The following PLCL1 variants were observed in gnomAD, a reference collection of about 807,000 sequenced individuals.
PLCL1 encodes the protein inactive phospholipase C-like protein 1.
A neutral mutation model predicts 84.4 loss-of-function variants in PLCL1; 41 were observed. The ratio of observed to expected loss-of-function variants is 0.49; its 90% confidence interval spans 0.38 to 0.63. The LOEUF (loss-of-function observed/expected upper bound fraction) is 0.63. PLCL1 is among the 30% of genes least tolerant of loss of function. The pLI, the probability that PLCL1 is intolerant of heterozygous loss-of-function variation, is 0.00. For synonymous variants in PLCL1, 490 were observed against 488.3 expected, an observed-to-expected ratio of 1.00 and a Z score of -0.05; for missense variants, 1,206 against 1,367.8, an observed-to-expected ratio of 0.88 and a Z score of 1.87.
intron 3 of PLCL1, among the ~76,000 whole-genome samples, chr2:198,099,000 A>AAG (rs1488203253): frequency 5.9e-5 from 9 of 152,192 alleles, no homozygotes; most frequent in African/African-American, 2.2e-4. Context: ...TTTAGAGACA[A>AAG]AGCCCTGACA....
In PLCL1 at chr2:197,986,903, G is replaced by A. The variant is rs140430650; in HGVS notation, c.241-96855G>A. On this transcript the variant is annotated intron_variant, in intron 1 of 5. Coordinates refer to ENST00000428675, the MANE Select transcript of PLCL1 (RefSeq NM_006226.4). ...CATAATCACCTTACAAGCTAGAAGG[G>A]TTGGAATCATCCGTATTTCATACTG... Among the ~76,000 whole-genome samples, 712 of 152,240 alleles carry A rather than the reference G, an allele frequency of 4.7e-3. 1 individual carries two copies. Among genetic ancestry groups the A allele is most frequent in the Non-Finnish European group, 7.1e-3 (480 of 68,012 alleles).
chr2:198,093,644 T>A lies in PLCL1; in HGVS notation c.2919+4583T>A, dbSNP rs139835327. ...AAGTTGCTTAAATTTTTGGATTTCT[T>A]GAAAATGGTAATGAACTGTGTAGAT... On this transcript the variant is annotated intron_variant, in intron 3 of 5. Coordinates refer to ENST00000428675, the MANE Select transcript of PLCL1 (RefSeq NM_006226.4). 1.2e-3 allele frequency among the ~76,000 whole-genome samples: 176 copies of A among 152,278 alleles called. 1 individual carries two copies. The highest frequency in any genetic ancestry group is 3.9e-3 in the African/African-American group (162 of 41,556).
chr2:198,103,731 A>C, intron 4 of PLCL1, 96 bp from the exon 5 acceptor site: 3 of 599,040 alleles, frequency 5.0e-6, no homozygotes, highest in Non-Finnish European at 8.8e-6. Flanking sequence ...AGAAGACAGG[A>C]ATGTGAAATT....
chr2:197,866,938 A>C (rs1311130473), intron 1 of PLCL1, among the ~76,000 whole-genome samples: 1 of 152,216 alleles, frequency 6.6e-6, no homozygotes, highest in African/African-American at 2.4e-5. Flanking sequence ...AGTGTTTTAC[A>C]TAAAAGGCAT....
intron 1 of PLCL1, among the ~76,000 whole-genome samples, chr2:197,910,303 T>A (rs973883909): frequency 2.0e-5 from 3 of 152,238 alleles, no homozygotes; most frequent in African/African-American, 7.2e-5. Flanking sequence ...TTTGGTTTCA[T>A]CTTCTGTAAA....
chr2:197,863,197 C>T (rs879000133), intron 1 of PLCL1, among the ~76,000 whole-genome samples: 12 of 149,444 alleles, frequency 8.0e-5, no homozygotes, highest in Admixed American at 3.3e-4. Flanking sequence ...GTGCCTTTCA[C>T]GCAATTATTT....
intron 1 of PLCL1, among the ~76,000 whole-genome samples, chr2:198,074,060 A>C (rs1188686502): frequency 6.6e-6 from 1 of 152,186 alleles, no homozygotes; most frequent in Admixed American, 6.5e-5. Flanking sequence ...TGTACAGTAC[A>C]ATAGAACTGA....
intron 1 of PLCL1, among the ~76,000 whole-genome samples, chr2:197,873,767 A>T (rs1687690175): frequency 1.3e-5 from 2 of 152,178 alleles, no homozygotes; most frequent in Non-Finnish European, 1.5e-5. Flanking sequence ...ATCCTAAAAA[A>T]GTCCTGACAT....
At chr2:197,824,624 G>A (rs977270402) in intron 1 of PLCL1, among the ~76,000 whole-genome samples, 3 of 151,292 alleles carry the variant, frequency 2.0e-5, no homozygotes, top group Non-Finnish European at 4.4e-5. Flanking sequence ...TGAGATGGGA[G>A]GATTGCTTGA....
chr2:197,917,819 A>C (rs1367312348), intron 1 of PLCL1, among the ~76,000 whole-genome samples: 2 of 152,186 alleles, frequency 1.3e-5, no homozygotes, highest in Non-Finnish European at 2.9e-5. Context: ...AACAATAACA[A>C]CAACAAACAA....
chr2:198,040,429 C>G (rs1240752395), intron 1 of PLCL1, among the ~76,000 whole-genome samples: 1 of 152,078 alleles, frequency 6.6e-6, no homozygotes, highest in Non-Finnish European at 1.5e-5. Flanking sequence ...TTTTGAAAAG[C>G]TTTTCCCCAA....
At chr2:198,093,409 A>C (rs1693101105) in intron 3 of PLCL1, among the ~76,000 whole-genome samples, 2 of 151,978 alleles carry the variant, frequency 1.3e-5, no homozygotes, top group South Asian at 4.1e-4. Context: ...GAGGGTGAGG[A>C]CTCTGTACTT....
At chr2:197,914,309 CT>C (rs1453718981) in intron 1 of PLCL1, among the ~76,000 whole-genome samples, 2 of 151,478 alleles carry the variant, frequency 1.3e-5, no homozygotes, top group Non-Finnish European at 2.9e-5. Flanking sequence ...GTCCTATTTG[CT>C]TTCACATTAA....
chr2:197,957,146 A>G (rs1559055941), intron 1 of PLCL1, among the ~76,000 whole-genome samples: 1 of 151,662 alleles, frequency 6.6e-6, no homozygotes, highest in African/African-American at 2.4e-5. Context: ...AATTCCATAC[A>G]TTTTTTTCCA....
At chr2:197,947,721 C>T (rs532064914) in intron 1 of PLCL1, among the ~76,000 whole-genome samples, 1 of 152,220 alleles carries the variant, frequency 6.6e-6, no homozygotes, top group African/African-American at 2.4e-5. Flanking sequence ...GAGTGATTAT[C>T]CTCTGCTCTG....
At chr2:198,024,010 A>G (rs927507133) in intron 1 of PLCL1, among the ~76,000 whole-genome samples, 4 of 152,226 alleles carry the variant, frequency 2.6e-5, no homozygotes, top group African/African-American at 7.2e-5. Context: ...ATGCCCATCA[A>G]TGTTAGATTG....
At chr2:197,942,662 C>T (rs1689182884) in intron 1 of PLCL1, among the ~76,000 whole-genome samples, 1 of 152,074 alleles carries the variant, frequency 6.6e-6, no homozygotes, top group Non-Finnish European at 1.5e-5. Context: ...CTTTCATGAA[C>T]ATTTGATGAG....
intron 1 of PLCL1, among the ~76,000 whole-genome samples, chr2:198,014,788 C>T (rs781705619): frequency 5.3e-5 from 8 of 152,068 alleles, no homozygotes; most frequent in Non-Finnish European, 4.4e-5. Context: ...ATACTAGCTA[C>T]ACCCTGTGGC....
At chr2:198,125,204 C>T (rs1389461555) in intron 5 of PLCL1, among the ~76,000 whole-genome samples, 2 of 152,062 alleles carry the variant, frequency 1.3e-5, no homozygotes, top group South Asian at 4.1e-4. Flanking sequence ...GGCTGCAGGC[C>T]ATAGTATAAA....
Sources: allele counts gnomAD v4.1 joint callset (sites outside exome capture counted in the v4.1 genomes callset), GRCh38; gene constraint gnomAD v4.1.1; transcripts MANE v1.5; gene names NCBI Gene and HGNC (gene_info 2026-07-23, HGNC 2026-07-21).